Variants in YTHDF3 observed in about 807,000 individuals in gnomAD.
The protein encoded by YTHDF3 is YTH domain-containing family protein 3.
YTHDF3 carries 9 observed loss-of-function variants against 52.5 expected under a neutral mutation model. The observed-to-expected ratio is 0.17, with a 90% CI of 0.10 to 0.30. The LOEUF is 0.30. YTHDF3 is among the 10% of genes least tolerant of loss of function. The pLI, the probability that YTHDF3 is intolerant of heterozygous loss-of-function variation, is 1.00. For synonymous variants in YTHDF3, 274 were observed against 243.3 expected, an observed-to-expected ratio of 1.13 and a Z score of -1.18; for missense variants, 534 against 715.0, an observed-to-expected ratio of 0.75 and a Z score of 2.89.
At chr8:63,184,058 A>G (rs979698672) in intron 3 of YTHDF3, among the ~76,000 whole-genome samples, 5 of 152,228 alleles carry the variant, frequency 3.3e-5, no homozygotes, top group East Asian at 1.9e-4. Flanking sequence ...TACATGTTCA[A>G]TACAGATGCA....
At chr8:63,176,759 C>A (rs924055638) in intron 3 of YTHDF3, among the ~76,000 whole-genome samples, 1 of 151,972 alleles carries the variant, frequency 6.6e-6, no homozygotes, top group East Asian at 1.9e-4. Context: ...CTCACTCCAA[C>A]CTCTGCCTCC....
At chr8:63,188,701 A>ATATATATATATT (rs1355614739) in intron 4 of YTHDF3, 11 of 61,444 alleles carry the variant, frequency 1.8e-4, no homozygotes, top group East Asian at 1.7e-3. Flanking sequence ...ATATATATAT[A>ATATATATATATT]TTTTTTTTTT....
At chr8:63,186,004 T>G in intron 3 of YTHDF3, 143 bp from the exon 4 acceptor site, 1 of 954,030 alleles carries the variant, frequency 1.0e-6, no homozygotes, top group Non-Finnish European at 1.5e-6. Flanking sequence ...AAACTGGATT[T>G]GAAATTTTAA....
chr8:63,206,775 TTTTAAG>T (rs1810061280), intron 4 of YTHDF3, among the ~76,000 whole-genome samples: 1 of 152,152 alleles, frequency 6.6e-6, no homozygotes, highest in Non-Finnish European at 1.5e-5. Flanking sequence ...AAACTTCAGC[TTTTAAG>T]TTTGTTTCTC....
At chr8:63,175,241 T>C (rs536302045) in intron 2 of YTHDF3, 90 bp from the exon 3 acceptor site, 3 of 949,852 alleles carry the variant, frequency 3.2e-6, no homozygotes, top group Non-Finnish European at 4.7e-6. Flanking sequence ...CTGATTACTT[T>C]TTTTGGCTTG....
intron 2 of YTHDF3, chr8:63,173,534 T>A (rs1273268141): frequency 1.0e-5 from 4 of 388,320 alleles, no homozygotes; most frequent in Admixed American, 6.4e-5. Flanking sequence ...TGAGAGATAG[T>A]TAGTCATAAT....
intron 4 of YTHDF3, among the ~76,000 whole-genome samples, chr8:63,195,248 A>C (rs1809160662): frequency 6.6e-6 from 1 of 152,238 alleles, no homozygotes; most frequent in Non-Finnish European, 1.5e-5. Context: ...GAGTAAAATC[A>C]AGCTTGATGA....
intron 4 of YTHDF3, among the ~76,000 whole-genome samples, chr8:63,193,374 CAAA>C (rs758787473): frequency 9.2e-5 from 5 of 54,100 alleles, no homozygotes; most frequent in African/African-American, 1.7e-4. Flanking sequence ...AGACTCCGTC[CAAA>C]AAAAAAAAAA....
chr8:63,168,651 C>A lies in YTHDF3; in HGVS notation c.-227C>A, dbSNP rs1014199863. Reference sequence around the variant, plus strand: ...TAGGGAGTCTGTCCGCCATTGTGGACCCGAGAAGCAGAGAGCGAGAGGGGG... The same window carrying A: ...TAGGGAGTCTGTCCGCCATTGTGGAACCGAGAAGCAGAGAGCGAGAGGGGG... On this transcript the variant is annotated 5_prime_UTR_variant, in exon 1 of 5. Coordinates refer to ENST00000539294, the MANE Select transcript of YTHDF3 (RefSeq NM_152758.6). 1.7e-5 allele frequency: 13 copies of A among 765,590 alleles called. No individual in the cohort carries two copies. The South Asian group carries it at 2.3e-4, about 13-fold the overall frequency. 47.4% of individuals were successfully genotyped at this position (765,590 alleles called of 1,614,324 possible).
chr8:63,175,168 TA>T (rs1232803980), intron 2 of YTHDF3, among the ~76,000 whole-genome samples, 162 bp from the exon 3 acceptor site: 2 of 152,194 alleles, frequency 1.3e-5, no homozygotes, highest in Admixed American at 1.3e-4. Flanking sequence ...GGCACATGAA[TA>T]TTTGTATCTA....
chr8:63,192,934 A>G lies in YTHDF3; in HGVS notation c.1734+5189A>G, dbSNP rs189084557. On this transcript the variant is annotated intron_variant, in intron 4 of 4. Transcript: ENST00000539294. ...CTCAAAGCTTCTGGTATGTGGATGT[A>G]CTATATCCCCAAGTGAATATCTTGG... Among the ~76,000 whole-genome samples, 6 of 151,740 alleles carry G rather than the reference A, an allele frequency of 4.0e-5. No individual in the cohort carries two copies. The East Asian group carries it at 1.2e-3, about 30-fold the overall frequency.
At chr8:63,169,252 G>A (rs1164912713) in intron 1 of YTHDF3, 135 bp from the exon 2 acceptor site, 32 of 1,318,366 alleles carry the variant, frequency 2.4e-5, no homozygotes, top group Non-Finnish European at 3.3e-5. Flanking sequence ...ATTGGTGGCT[G>A]TGGAGGATAT....
intron 2 of YTHDF3, among the ~76,000 whole-genome samples, chr8:63,174,187 T>C (rs923390576): frequency 1.3e-5 from 2 of 152,212 alleles, no homozygotes; most frequent in African/African-American, 4.8e-5. Flanking sequence ...CTTTGAGCAG[T>C]AAATCTTTAG....
intron 1 of YTHDF3, 199 bp from the exon 2 acceptor site, chr8:63,169,188 G>T: frequency 7.3e-7 from 1 of 1,377,916 alleles, no homozygotes; most frequent in Non-Finnish European, 9.7e-7. Context: ...CGAGCTCTGG[G>T]AGACGGATTC....
upstream of YTHDF3, chr8:63,168,610 G>C (rs1198919510): frequency 1.8e-5 from 11 of 595,740 alleles, no homozygotes; most frequent in Non-Finnish European, 2.9e-5. Flanking sequence ...AGGGAGGCTC[G>C]GAGCGGAAGT....
At chr8:63,209,313 C>G (rs1810236103) in intron 4 of YTHDF3, among the ~76,000 whole-genome samples, 1 of 151,950 alleles carries the variant, frequency 6.6e-6, no homozygotes, top group Admixed American at 6.6e-5. Flanking sequence ...AACTTTTAAC[C>G]TTTTTCTCCT....
chr8:63,199,097 A>G (rs1191043299), intron 4 of YTHDF3, among the ~76,000 whole-genome samples: 1 of 152,166 alleles, frequency 6.6e-6, no homozygotes, highest in East Asian at 1.9e-4. Context: ...TATGAGTTAG[A>G]ATTGGAAAGG....
At chr8:63,179,472 C>G (rs1024102668) in intron 3 of YTHDF3, among the ~76,000 whole-genome samples, 1 of 152,122 alleles carries the variant, frequency 6.6e-6, no homozygotes, top group Non-Finnish European at 1.5e-5. Flanking sequence ...CATCTTGCAC[C>G]GCTCTTAATC....
chr8:63,187,233 G>A lies in YTHDF3; in HGVS notation c.1222G>A (p.Asp408Asn), dbSNP rs1808581974. The change falls in exon 4 of 5, where the codon GAC becomes AAC. Residue 408 changes from aspartate to asparagine, a missense_variant. Asp to Asn is a conservative substitution (Grantham distance 23). This residue lies in a region of YTHDF3 where 203 missense variants were observed against 201.3 expected (regional missense o/e 1.01). Coordinates refer to ENST00000539294, the MANE Select transcript of YTHDF3 (RefSeq NM_152758.6). ...LKAINNYNPK[D>N]FDWNLKNGRV... ...GGCCATAAACAACTATAATCCCAAA[G>A]ACTTTGATTGGAATCTGAAGAATGG... The A allele has an allele frequency of 1.9e-6, 3 of 1,613,906 alleles. No individual in the cohort carries two copies. The highest frequency in any genetic ancestry group is 1.7e-5 in the Admixed American group (1 of 60,008).
Sources: gnomAD v4.1 joint callset for allele counts (sites outside exome capture counted in the v4.1 genomes callset) on GRCh38, gnomAD v4.1.1 for gene constraint, gnomAD v4.1.1 regional missense constraint, MANE v1.5 for transcripts, NCBI Gene and HGNC (gene_info 2026-07-23, HGNC 2026-07-21) for gene names.